The following RRM2 variants were observed in gnomAD, a reference collection of about 807,000 sequenced individuals.
RRM2 encodes ribonucleotide reductase regulatory subunit M2.
RRM2 carries 6 observed loss-of-function variants against 45.9 expected under a neutral mutation model. That is an observed-to-expected ratio of 0.13 (90% confidence interval 0.07 to 0.26). The LOEUF (loss-of-function observed/expected upper bound fraction) is 0.26, where lower values mean the gene tolerates loss of function less well. RRM2 is among the 10% of genes least tolerant of loss of function. The probability of loss-of-function intolerance (pLI) is 1.00; values close to 1 mark genes in which losing one functional copy is unlikely to be tolerated. For synonymous variants in RRM2, 177 were observed against 173.0 expected (o/e 1.02, Z -0.18); for missense variants, 343 against 489.5 (o/e 0.70, Z 2.82).
chr2:10,202,831 C>T (rs2125334122), intron 3 of RRM2, among the ~76,000 whole-genome samples: 1 of 151,796 alleles, frequency 6.6e-6, no homozygotes, highest in African/African-American at 2.4e-5. Context: ...TGACTGAGCT[C>T]AAGCGATTTG....
intron 3 of RRM2, chr2:10,156,314 T>C (rs1038671746): frequency 6.6e-5 from 10 of 152,266 alleles, no homozygotes; most frequent in Non-Finnish European, 1.3e-4. Flanking sequence ...TCAAAGCCGT[T>C]CTGGGCTACG....
chr2:10,170,882 G>C (rs564480543), intron 3 of RRM2, among the ~76,000 whole-genome samples: 1 of 152,366 alleles, frequency 6.6e-6, no homozygotes, highest in South Asian at 2.1e-4. Flanking sequence ...GAAAGAAGCT[G>C]TGTCTGTTCC....
At chr2:10,183,828 G>A (rs1481741280) in intron 3 of RRM2, among the ~76,000 whole-genome samples, 1 of 149,850 alleles carries the variant, frequency 6.7e-6, no homozygotes, top group Non-Finnish European at 1.5e-5. Flanking sequence ...GGTGGCTCAC[G>A]CCTGTAATCC....
In RRM2 at chr2:10,129,214, C is replaced by T; in HGVS notation, c.1018-20C>T. 1.2e-6 allele frequency: 2 copies of T among 1,613,724 alleles called. No homozygotes were observed. The highest frequency in any genetic ancestry group is 1.7e-6 in the Non-Finnish European group (2 of 1,179,798). ...TGAAGCTGGTGCTCTGTATTTATAT[C>T]TTGATGTGAACCTTTTCAGGTTTTC... On this transcript the variant is annotated intron_variant, in intron 9 of 9. Transcript: ENST00000304567. The surrounding 1 kb of genome is among the most constrained non-coding windows in gnomAD (Gnocchi z 4.8).
downstream of RRM2, among the ~76,000 whole-genome samples, chr2:10,135,997 C>G (rs62129885): frequency 2.0e-5 from 3 of 152,078 alleles, no homozygotes; most frequent in Non-Finnish European, 2.9e-5. Context: ...GCCCTACACA[C>G]AGTCCCTAGG....
intron 2 of RRM2, 88 bp from the exon 3 acceptor site, chr2:10,123,299 G>A (rs1662706542): frequency 6.8e-7 from 1 of 1,473,238 alleles, no homozygotes; most frequent in Non-Finnish European, 9.1e-7. Flanking sequence ...CCGTGAAATT[G>A]CCGCCAATGG....
intron 3 of RRM2, among the ~76,000 whole-genome samples, chr2:10,153,687 C>T (rs752156805): frequency 1.3e-5 from 2 of 152,194 alleles, no homozygotes; most frequent in Non-Finnish European, 2.9e-5. Flanking sequence ...TGCTCCCTCC[C>T]TCACCCCTTG....
chr2:10,134,424 C>T (rs1005778635), downstream of RRM2, among the ~76,000 whole-genome samples: 6 of 152,034 alleles, frequency 3.9e-5, no homozygotes, highest in African/African-American at 1.2e-4. Flanking sequence ...CCCAGTGACA[C>T]GGGAACTAGA....
upstream of RRM2, chr2:10,122,641 C>T: frequency 6.5e-7 from 1 of 1,544,212 alleles, no homozygotes; most frequent in Non-Finnish European, 8.8e-7. Flanking sequence ...GGAGGCATGG[C>T]ACAGCCAATG....
At chr2:10,126,189 A>G (rs1662776194) in intron 5 of RRM2, among the ~76,000 whole-genome samples, 1 of 17,108 alleles carries the variant, frequency 5.8e-5, no homozygotes, top group Non-Finnish European at 1.5e-4. Context: ...AAAAAAAAAA[A>G]AAAGCTGCCC....
rs1055321254 is a variant in RRM2 at position 10,195,991 on chromosome 2, G to A, written n.483-14320G>A. ...AGCTGCAGCCGTCTTGCTACCAGCA[G>A]GGCAAGGCAGAGCCGGCCGCCCAGG... On this transcript the variant is annotated intron_variant and non_coding_transcript_variant, in intron 3 of 3. Coordinates refer to the RRM2 transcript ENST00000381786. This position sits in a 1 kb window ranked among gnomAD's most constrained non-coding sequence, Gnocchi z 4.9. Among the ~76,000 whole-genome samples the A allele has an allele frequency of 3.3e-5, 5 of 152,248 alleles. No individual in the cohort carries two copies. The highest frequency in any genetic ancestry group is 9.6e-5 in the African/African-American group (4 of 41,474).
At chr2:10,206,529 A>G (rs79058898) in intron 3 of RRM2, among the ~76,000 whole-genome samples, 9,939 of 152,270 alleles carry the variant, frequency 0.065, 377 homozygotes, top group Middle Eastern at 0.099. Context: ...GAAAAACACA[A>G]AAGAGAGGCA....
At chr2:10,124,323 C>G (rs1662735141) in intron 4 of RRM2, among the ~76,000 whole-genome samples, 1 of 152,180 alleles carries the variant, frequency 6.6e-6, no homozygotes, top group Non-Finnish European at 1.5e-5. Context: ...CCAGGCTGGT[C>G]TCGAACTGCT....
At position 10,194,706 on chromosome 2, in the gene RRM2, G is replaced by A. The variant is rs552420273; in HGVS notation, n.483-15605G>A. ...CTCTGCCTTTTACTCACCTCCATCTGGAGCGGGCTCAGTGGGGTTCCTGCT... is the reference window on the plus strand; with the variant it reads ...CTCTGCCTTTTACTCACCTCCATCTAGAGCGGGCTCAGTGGGGTTCCTGCT... On this transcript the variant is annotated intron_variant and non_coding_transcript_variant, in intron 3 of 3. Coordinates refer to the RRM2 transcript ENST00000381786. 1.2e-4 allele frequency among the ~76,000 whole-genome samples: 19 copies of A among 152,346 alleles called. No individual in the cohort carries two copies. In the East Asian group the frequency reaches 3.5e-3, roughly 28 times the overall value.
At chr2:10,158,277 G>A (rs932184661) in intron 3 of RRM2, among the ~76,000 whole-genome samples, 5 of 152,132 alleles carry the variant, frequency 3.3e-5, no homozygotes, top group East Asian at 1.9e-4. Context: ...GATACAAAGC[G>A]GTCAGCAGTT....
rs1415932430 is a variant in RRM2, at chr2:10,185,564, T to G, written n.483-24747T>G. 6.6e-6 allele frequency among the ~76,000 whole-genome samples: 1 copy of G among 152,192 alleles called. No individual in the cohort carries two copies. Among genetic ancestry groups the G allele is most frequent in the Non-Finnish European group, 1.5e-5 (1 of 68,022 alleles). On this transcript the variant is annotated intron_variant and non_coding_transcript_variant, in intron 3 of 3. Transcript: ENST00000381786. This position sits in a 1 kb window ranked among gnomAD's most constrained non-coding sequence, Gnocchi z 4.3. ...CATTCACTCCTCTCCCAAATCCGGA[T>G]GGTTTTAAGGTGATTTTAGCCATCG... is the stretch of plus-strand genomic sequence containing the variant.
At chr2:10,141,954 G>A (rs144475500) in exon 2 of RRM2, 267 of 1,574,510 alleles carry the variant, frequency 1.7e-4, no homozygotes, top group Admixed American at 1.2e-3. Context: ...CCCAGTGTGC[G>A]GTAAGTCAGA....
In RRM2 at chr2:10,129,151, C is replaced by T. The variant is rs1377620558; in HGVS notation, c.1014C>T (p.Ser338=). 6.2e-7 allele frequency: 1 copy of T among 1,613,954 alleles called. No individual in the cohort carries two copies. The highest frequency in any genetic ancestry group is 1.3e-5 in the African/African-American group (1 of 74,930). ...ADRLMLELGF[S]KVFRVENPFD... ...GACTTATGCTGGAACTGGGTTTTAG[C>T]AAGGTAAAGTATTGTTTACATAGCC... The change falls in exon 9 of 10, where the codon AGC becomes AGT. Residue 338 remains serine, a synonymous_variant. Transcript: ENST00000304567. The surrounding 1 kb of genome is among the most constrained non-coding windows in gnomAD (Gnocchi z 4.8).
chr2:10,180,087 C>G (rs895621427), intron 3 of RRM2, among the ~76,000 whole-genome samples: 1 of 152,190 alleles, frequency 6.6e-6, no homozygotes, highest in Non-Finnish European at 1.5e-5. Flanking sequence ...GCTCCCTTCC[C>G]CCAGAGGAGG....
Sources: gnomAD v4.1 joint callset for allele counts (sites outside exome capture counted in the v4.1 genomes callset) on GRCh38, gnomAD v4.1.1 for gene constraint, Gnocchi (gnomAD v3.1) non-coding constraint, MANE v1.5 for transcripts, NCBI Gene and HGNC (gene_info 2026-07-23, HGNC 2026-07-21) for gene names.